Variants in LRRN2 observed in about 807,000 individuals in gnomAD.
LRRN2 encodes leucine rich repeat neuronal 2.
In LRRN2, 10 loss-of-function variants were observed where a neutral mutation model predicts 35.7. The ratio of observed to expected loss-of-function variants is 0.28; its 90% confidence interval spans 0.17 to 0.47. LRRN2 has a LOEUF of 0.47. Among genes scored for constraint, LRRN2 ranks in the 20% least tolerant of loss-of-function variants. LRRN2 has a pLI of 0.99. For synonymous variants in LRRN2, 391 were observed against 409.6 expected (o/e 0.95, Z 0.55); for missense variants, 731 against 940.3 (o/e 0.78, Z 2.91).
chr1:204,678,025 TC>T (rs1668863703), intron 1 of LRRN2, among the ~76,000 whole-genome samples: 1 of 152,050 alleles, frequency 6.6e-6, no homozygotes, highest in Non-Finnish European at 1.5e-5. Context: ...CGAGAATCCT[TC>T]CCACTGCAGA....
intron 1 of LRRN2, among the ~76,000 whole-genome samples, chr1:204,651,002 G>T (rs1668210837): frequency 6.6e-6 from 1 of 152,190 alleles, no homozygotes; most frequent in African/African-American, 2.4e-5. Context: ...TGAACTTTAA[G>T]ATTAGAGAAT....
intron 1 of LRRN2, among the ~76,000 whole-genome samples, chr1:204,660,292 T>G (rs1211234779): frequency 6.6e-6 from 1 of 152,120 alleles, no homozygotes; most frequent in Non-Finnish European, 1.5e-5. Flanking sequence ...TTTATAGATG[T>G]GTCTCCATCT....
intron 1 of LRRN2, among the ~76,000 whole-genome samples, chr1:204,676,790 A>G (rs779633348): frequency 1.3e-5 from 2 of 152,154 alleles, no homozygotes; most frequent in Non-Finnish European, 2.9e-5. Flanking sequence ...GAGAAAAGGA[A>G]CTAACATTTA....
chr1:204,641,347 G>A (rs4950954), intron 1 of LRRN2, among the ~76,000 whole-genome samples: 82,284 of 151,966 alleles, frequency 0.54, 23,615 homozygotes, highest in East Asian at 0.68. Flanking sequence ...TATGGCATGC[G>A]GATTCCCAGT....
intron 1 of LRRN2, among the ~76,000 whole-genome samples, chr1:204,624,753 C>T (rs992888992): frequency 5.1e-5 from 3 of 58,994 alleles, no homozygotes; most frequent in Non-Finnish European, 1.5e-4. Flanking sequence ...GGTTCCCCCC[C>T]CACCCCCCCC....
intron 1 of LRRN2, among the ~76,000 whole-genome samples, chr1:204,651,697 G>A (rs1321716376): frequency 6.6e-6 from 1 of 152,202 alleles, no homozygotes; most frequent in African/African-American, 2.4e-5. Context: ...AGAGCTTTCA[G>A]GTGAGTTGTC....
intron 1 of LRRN2, among the ~76,000 whole-genome samples, chr1:204,639,744 G>A (rs1415969506): frequency 6.6e-6 from 1 of 152,164 alleles, no homozygotes; most frequent in Non-Finnish European, 1.5e-5. Flanking sequence ...CTCTCTGCCA[G>A]GCACTTGCCA....
intron 1 of LRRN2, among the ~76,000 whole-genome samples, chr1:204,640,283 T>C (rs1000931645): frequency 1.3e-5 from 2 of 152,200 alleles, no homozygotes; most frequent in African/African-American, 2.4e-5. Flanking sequence ...TATAAGGACA[T>C]TAATCCCACT....
chr1:204,653,912 T>G (rs972851225), intron 1 of LRRN2, among the ~76,000 whole-genome samples: 1 of 151,136 alleles, frequency 6.6e-6, no homozygotes, highest in Non-Finnish European at 1.5e-5. Flanking sequence ...AGCATGCACC[T>G]GTAGTCTCAG....
chr1:204,627,369 G>A (rs1260441108), intron 1 of LRRN2: 2 of 152,204 alleles, frequency 1.3e-5, no homozygotes, highest in African/African-American at 4.8e-5. Flanking sequence ...GGCATCTGCT[G>A]GGCAAAGGTG....
chr1:204,650,200 G>A (rs1668193697), intron 1 of LRRN2, among the ~76,000 whole-genome samples: 1 of 152,244 alleles, frequency 6.6e-6, no homozygotes, highest in Non-Finnish European at 1.5e-5. Context: ...AGTGGGAGGG[G>A]AGGGAGCAGG....
intron 1 of LRRN2, among the ~76,000 whole-genome samples, chr1:204,657,341 T>TACACACACACACAC (rs34779515): frequency 0.075 from 11,016 of 146,854 alleles, 555 homozygotes; most frequent in East Asian, 0.23. Flanking sequence ...TATGTATATA[T>TACACACACACACAC]ACACACACAC....
chr1:204,648,246 A>G (rs1668151953), intron 1 of LRRN2, among the ~76,000 whole-genome samples: 1 of 152,234 alleles, frequency 6.6e-6, no homozygotes. Context: ...AGGTGCAGCC[A>G]ACTGCACCTT....
chr1:204,682,615 G>A (rs1668979001), intron 1 of LRRN2, among the ~76,000 whole-genome samples: 1 of 152,198 alleles, frequency 6.6e-6, no homozygotes, highest in South Asian at 2.1e-4. Context: ...CGACTGAACA[G>A]AATAACTTTT....
intron 1 of LRRN2, among the ~76,000 whole-genome samples, chr1:204,662,955 A>C (rs555880571): frequency 6.6e-5 from 10 of 152,324 alleles, no homozygotes; most frequent in African/African-American, 2.4e-4. Context: ...TCAGAAGGGA[A>C]ATGGAGGCCC....
chr1:204,660,858 T>G (rs1668457254), intron 1 of LRRN2, among the ~76,000 whole-genome samples: 1 of 152,252 alleles, frequency 6.6e-6, no homozygotes, highest in Non-Finnish European at 1.5e-5. Context: ...CTGGACTCTC[T>G]GGCAAGCCAT....
chr1:204,624,764 C>G (rs975812495), intron 1 of LRRN2, among the ~76,000 whole-genome samples: 24 of 142,072 alleles, frequency 1.7e-4, no homozygotes, highest in South Asian at 4.7e-4. Context: ...CACCCCCCCC[C>G]CCGGGAGCTG....
chr1:204,624,659 C>T (rs1182710502), intron 1 of LRRN2, among the ~76,000 whole-genome samples: 1 of 152,170 alleles, frequency 6.6e-6, no homozygotes, highest in Non-Finnish European at 1.5e-5. Context: ...AGGCCCCCGG[C>T]CCCAGCACAG....
At chr1:204,662,565 A>G (rs1005909547) in intron 1 of LRRN2, among the ~76,000 whole-genome samples, 13 of 152,216 alleles carry the variant, frequency 8.5e-5, no homozygotes, top group Non-Finnish European at 1.8e-4. Flanking sequence ...AGCCTGCTAC[A>G]GTGATGGGAC....
Sources: allele counts gnomAD v4.1 joint callset (sites outside exome capture counted in the v4.1 genomes callset), GRCh38; gene constraint gnomAD v4.1.1; transcripts MANE v1.5; gene names NCBI Gene and HGNC (gene_info 2026-07-23, HGNC 2026-07-21).